The following FHIT variants were observed in gnomAD, a reference collection of about 807,000 sequenced individuals.
FHIT encodes the protein bis(5'-adenosyl)-triphosphatase.
A neutral mutation model predicts 17.9 loss-of-function variants in FHIT; 19 were observed. That is an observed-to-expected ratio of 1.06 (90% CI 0.74 to 1.56). FHIT has a LOEUF of 1.56. Ranked by LOEUF, FHIT falls within the 40% of genes most tolerant of loss-of-function variation. The pLI is 0.00. For missense variants in FHIT, 248 were observed against 189.2 expected (o/e 1.31, Z -1.82); for synonymous variants, 81 against 69.7 (o/e 1.16, Z -0.81).
In FHIT at chr3:60,857,407, C is replaced by T. The variant is rs1703433623; in HGVS notation, c.-110-35396G>A. 2.6e-5 allele frequency among the ~76,000 whole-genome samples: 4 copies of T among 152,152 alleles called. No individual in the cohort carries two copies. The South Asian group carries it at 8.3e-4, about 31-fold the overall frequency. On this transcript the variant is annotated intron_variant, in intron 3 of 9. Transcript: ENST00000492590. ...GACAGCATTTGACAGCCCAGCTTCA[C>T]TACTTATCAGCTGTGTGAGGTGATA... is the stretch of plus-strand genomic sequence containing the variant.
intron 8 of FHIT, among the ~76,000 whole-genome samples, chr3:59,859,214 GA>G (rs1264548487): frequency 6.6e-6 from 1 of 152,204 alleles, no homozygotes; most frequent in Non-Finnish European, 1.5e-5. Context: ...ATCAAGTGGG[GA>G]TACGGTCAGT....
intron 4 of FHIT, among the ~76,000 whole-genome samples, chr3:60,726,619 C>G (rs1011016388): frequency 3.9e-5 from 6 of 152,088 alleles, no homozygotes; most frequent in Non-Finnish European, 7.4e-5. Context: ...ATTCTCTTTC[C>G]CTATACTAGC....
At chr3:59,802,532 T>A (rs1287515667) in intron 8 of FHIT, among the ~76,000 whole-genome samples, 2 of 152,172 alleles carry the variant, frequency 1.3e-5, no homozygotes, top group Non-Finnish European at 2.9e-5. Context: ...CTGAGCACCT[T>A]GTGACCCCCG....
At chr3:60,176,153 A>T (rs757972484) in intron 5 of FHIT, among the ~76,000 whole-genome samples, 20 of 152,202 alleles carry the variant, frequency 1.3e-4, no homozygotes, top group Non-Finnish European at 2.6e-4. Context: ...GGAGTTAGAG[A>T]CCAGCCTGGC....
chr3:59,763,403 G>A (rs898546314), intron 8 of FHIT, among the ~76,000 whole-genome samples: 7 of 152,192 alleles, frequency 4.6e-5, no homozygotes, highest in Non-Finnish European at 1.0e-4. Flanking sequence ...CAACATTGCA[G>A]GCAGCAGCAA....
chr3:60,796,574 G>C (rs542254394), intron 4 of FHIT, among the ~76,000 whole-genome samples: 10 of 152,084 alleles, frequency 6.6e-5, no homozygotes, highest in Non-Finnish European at 1.2e-4. Flanking sequence ...GTTTATCAAA[G>C]AGGGTTGTTG....
chr3:60,186,590 G>T (rs1047989866), intron 5 of FHIT, among the ~76,000 whole-genome samples: 1 of 152,136 alleles, frequency 6.6e-6, no homozygotes, highest in Non-Finnish European at 1.5e-5. Context: ...CAGTCATAAC[G>T]GAGGTGGGCT....
chr3:60,884,141 T>C (rs1705104025), intron 3 of FHIT, among the ~76,000 whole-genome samples: 1 of 152,052 alleles, frequency 6.6e-6, no homozygotes, highest in Non-Finnish European at 1.5e-5. Context: ...CTCAGGGAAA[T>C]GCAAATCACA....
intron 4 of FHIT, among the ~76,000 whole-genome samples, chr3:60,625,953 G>GC (rs1303754641): frequency 1.3e-5 from 2 of 152,152 alleles, no homozygotes; most frequent in Non-Finnish European, 2.9e-5. Context: ...TCATTCTTTT[G>GC]CATGTGGAGA....
intron 7 of FHIT, among the ~76,000 whole-genome samples, chr3:59,993,615 T>C (rs1454593548): frequency 6.6e-6 from 1 of 152,012 alleles, no homozygotes. Flanking sequence ...GACAATTAAA[T>C]GTGGTTTAAA....
At chr3:60,739,149 G>GC (rs2042194155) in intron 4 of FHIT, among the ~76,000 whole-genome samples, 1 of 152,132 alleles carries the variant, frequency 6.6e-6, no homozygotes, top group South Asian at 2.1e-4. Flanking sequence ...CCCATTGAGA[G>GC]CCACCTCCAC....
chr3:60,122,287 A>T (rs922256235), intron 5 of FHIT, among the ~76,000 whole-genome samples: 1 of 152,186 alleles, frequency 6.6e-6, no homozygotes, highest in Non-Finnish European at 1.5e-5. Context: ...AACAGATAAG[A>T]TCCTATGATA....
chr3:60,308,740 C>G (rs932539248), intron 5 of FHIT, among the ~76,000 whole-genome samples: 18 of 152,042 alleles, frequency 1.2e-4, no homozygotes, highest in Admixed American at 1.2e-3. Flanking sequence ...ACCGATGATT[C>G]ACTAAATGTC....
At chr3:60,177,921 T>G (rs1202427093) in intron 5 of FHIT, among the ~76,000 whole-genome samples, 1 of 152,216 alleles carries the variant, frequency 6.6e-6, no homozygotes, top group Non-Finnish European at 1.5e-5. Flanking sequence ...CCAAAGTATT[T>G]TGAGTTGCTG....
intron 2 of FHIT, among the ~76,000 whole-genome samples, chr3:61,088,339 C>T (rs1575989877): frequency 1.3e-5 from 2 of 152,102 alleles, no homozygotes; most frequent in South Asian, 4.1e-4. Context: ...ATAGCAGTGA[C>T]CAAGTTATGC....
At chr3:60,692,154 A>T (rs2041006781) in intron 4 of FHIT, among the ~76,000 whole-genome samples, 2 of 152,164 alleles carry the variant, frequency 1.3e-5, no homozygotes, top group Admixed American at 6.5e-5. Flanking sequence ...TTGTATCACT[A>T]CCTGCATCTG....
chr3:60,895,812 G>T (rs1469249031), intron 3 of FHIT, among the ~76,000 whole-genome samples: 30 of 103,802 alleles, frequency 2.9e-4, no homozygotes, highest in Non-Finnish European at 5.7e-4. Context: ...CATTCAGACA[G>T]GTCCTCATTT....
chr3:60,445,434 C>G (rs2031259150), intron 5 of FHIT, among the ~76,000 whole-genome samples: 1 of 151,454 alleles, frequency 6.6e-6, no homozygotes, highest in South Asian at 2.1e-4. Context: ...AGAAAGCACA[C>G]TGCTGTGATG....
At chr3:59,759,238 C>T (rs73092698) in intron 8 of FHIT, among the ~76,000 whole-genome samples, 17,371 of 151,772 alleles carry the variant, frequency 0.11, 1,047 homozygotes, top group South Asian at 0.23. Context: ...ACCCTGTGGG[C>T]AGGGCTGAGA....
Sources: allele counts gnomAD v4.1 joint callset (sites outside exome capture counted in the v4.1 genomes callset), GRCh38; gene constraint gnomAD v4.1.1; transcripts MANE v1.5; gene names NCBI Gene and HGNC (gene_info 2026-07-23, HGNC 2026-07-21).